The following FGF12 variants were observed in gnomAD, a reference collection of about 807,000 sequenced individuals.
The protein encoded by FGF12 is fibroblast growth factor 12B.
Under a neutral mutation model 23.6 loss-of-function variants are expected in FGF12, and 14 were observed. That is an observed-to-expected ratio of 0.59 (90% CI 0.39 to 0.93). The LOEUF (loss-of-function observed/expected upper bound fraction) is 0.93, where lower values mean the gene tolerates loss of function less well. Ranked by LOEUF, FGF12 falls within the 40% of genes least tolerant of loss-of-function variation. The pLI, the probability that FGF12 is intolerant of heterozygous loss-of-function variation, is 0.00. For missense variants in FGF12, 175 were observed against 217.8 expected, an observed-to-expected ratio of 0.80 and a Z score of 1.24; for synonymous variants, 62 against 77.3, an observed-to-expected ratio of 0.80 and a Z score of 1.04.
rs148098792 is a variant in FGF12, at chr3:192,376,740, A to G, written c.14-16202T>C. On this transcript the variant is annotated intron_variant, in intron 2 of 5. Coordinates refer to ENST00000445105, the MANE Select transcript of FGF12 (RefSeq NM_004113.6). ...CTGTCTTGTGATTTCTGCTTCATTT[A>G]ATTAATAAACTTTTAAAACATTATT... Among the ~76,000 whole-genome samples the G allele has an allele frequency of 2.1e-4, 32 of 152,258 alleles. No individual in the cohort carries two copies. The East Asian group carries it at 5.2e-3, about 25-fold the overall frequency.
At chr3:192,608,016 C>T (rs1232102709) in intron 2 of FGF12, among the ~76,000 whole-genome samples, 1 of 152,044 alleles carries the variant, frequency 6.6e-6, no homozygotes, top group Non-Finnish European at 1.5e-5. Flanking sequence ...ATCATTGAGG[C>T]CATTGTTAAG....
At chr3:192,490,384 T>C (rs1275990678) in intron 2 of FGF12, among the ~76,000 whole-genome samples, 1 of 152,108 alleles carries the variant, frequency 6.6e-6, no homozygotes, top group African/African-American at 2.4e-5. Flanking sequence ...CTACCCCTAG[T>C]AATGTTTCAA....
At chr3:192,183,200 T>C (rs1194405573) in intron 4 of FGF12, among the ~76,000 whole-genome samples, 1 of 152,002 alleles carries the variant, frequency 6.6e-6, no homozygotes, top group African/African-American at 2.4e-5. Flanking sequence ...TTTTTTTTTT[T>C]TAGAAAAGCA....
At chr3:192,483,670 T>C (rs976517519) in intron 2 of FGF12, among the ~76,000 whole-genome samples, 5 of 152,110 alleles carry the variant, frequency 3.3e-5, no homozygotes, top group African/African-American at 1.2e-4. Flanking sequence ...CCAGCATGAA[T>C]TGCCAAGTAG....
chr3:192,170,712 G>T, intron 4 of FGF12, 56 bp from the exon 5 acceptor site: 1 of 1,434,800 alleles, frequency 7.0e-7, no homozygotes, highest in Non-Finnish European at 9.5e-7. Context: ...AGGTGAATCA[G>T]CAAATGCTTA....
intron 2 of FGF12, among the ~76,000 whole-genome samples, chr3:192,431,643 G>T (rs1017189453): frequency 6.6e-6 from 1 of 152,182 alleles, no homozygotes; most frequent in African/African-American, 2.4e-5. Context: ...GGAAGGTCAA[G>T]TTGCCCAACT....
chr3:192,155,816 A>G (rs1295416192), intron 5 of FGF12, among the ~76,000 whole-genome samples: 1 of 152,224 alleles, frequency 6.6e-6, no homozygotes, highest in Admixed American at 6.5e-5. Context: ...CAATAGCTAC[A>G]TGAATTCTAC....
intron 2 of FGF12, among the ~76,000 whole-genome samples, chr3:192,606,042 T>C (rs1199170246): frequency 6.6e-6 from 1 of 152,174 alleles, no homozygotes; most frequent in East Asian, 1.9e-4. Flanking sequence ...AGGAAATAAA[T>C]TATTCTACCA....
At chr3:192,455,669 CTGAA>C (rs2108804080) in intron 2 of FGF12, among the ~76,000 whole-genome samples, 1 of 152,266 alleles carries the variant, frequency 6.6e-6, no homozygotes, top group East Asian at 1.9e-4. Flanking sequence ...TTATCAATAA[CTGAA>C]TAATATTCCA....
rs577630291 is a variant in FGF12, at chr3:192,328,747, C to G, written c.228+6614G>C. Among the ~76,000 whole-genome samples the G allele has an allele frequency of 2.6e-5, 4 of 152,210 alleles. No individual in the cohort carries two copies. In the East Asian group the frequency reaches 7.7e-4, roughly 29 times the overall value. On this transcript the variant is annotated intron_variant, in intron 4 of 5. Coordinates refer to ENST00000445105, the MANE Select transcript of FGF12 (RefSeq NM_004113.6). ...CTATGCCCTCTAACTTAGTAGTTGGCCTAAACTCCTTATGACAGCTAACTA... is the reference window on the plus strand; with the variant it reads ...CTATGCCCTCTAACTTAGTAGTTGGGCTAAACTCCTTATGACAGCTAACTA...
At chr3:192,376,751 T>G (rs1271943019) in intron 2 of FGF12, among the ~76,000 whole-genome samples, 1 of 152,246 alleles carries the variant, frequency 6.6e-6, no homozygotes, top group Non-Finnish European at 1.5e-5. Context: ...ATTAATAAAC[T>G]TTTAAAACAT....
intron 2 of FGF12, among the ~76,000 whole-genome samples, chr3:192,372,315 G>A (rs1483851330): frequency 6.6e-6 from 1 of 151,988 alleles, no homozygotes; most frequent in African/African-American, 2.4e-5. Context: ...CCCTCATGCA[G>A]CCCAAATGTA....
rs910830649 is a variant in FGF12 at position 192,235,543 on chromosome 3, C to T, written c.229-64887G>A. 5.9e-5 allele frequency among the ~76,000 whole-genome samples: 9 copies of T among 152,078 alleles called. No homozygotes were observed. In the South Asian group the frequency reaches 6.2e-4, roughly 11 times the overall value. ...TTCACCATGTTGGCCAGGATGGTCT[C>T]GATCTCTTGACCTTGTGATCTGCTT... is the stretch of plus-strand genomic sequence containing the variant. On this transcript the variant is annotated intron_variant, in intron 4 of 5. Transcript: ENST00000445105.
At position 192,369,341 on chromosome 3, in the gene FGF12, A is replaced by T. The variant is rs80097969; in HGVS notation, c.14-8803T>A. Reference sequence around the variant, plus strand: ...TGCGTTTCTTCCAATTTTGTCCTGCACACTGAACACAGTCTGACAAGCACA... The same window carrying T: ...TGCGTTTCTTCCAATTTTGTCCTGCTCACTGAACACAGTCTGACAAGCACA... On this transcript the variant is annotated intron_variant, in intron 2 of 5. Transcript: ENST00000445105. Among the ~76,000 whole-genome samples the T allele has an allele frequency of 2.1e-3, 325 of 152,324 alleles. 13 individuals carry two copies. In the East Asian group the frequency reaches 0.046, roughly 22 times the overall value.
chr3:192,718,275 A>G (rs548626464), intron 2 of FGF12, among the ~76,000 whole-genome samples: 27 of 149,886 alleles, frequency 1.8e-4, no homozygotes, highest in African/African-American at 6.4e-4. Context: ...AAATAAACTC[A>G]TCTTAATTGT....
Position 192,637,893 on chromosome 3 carries a change from C to T in FGF12, c.13+89288G>A, listed in dbSNP as rs1715643215. ...AATTTGAAAATCAAGTATAATCGTC[C>T]AATTTAGCAAGAAACCTGAAATGCA... On this transcript the variant is annotated intron_variant, in intron 2 of 5. Coordinates refer to ENST00000445105, the MANE Select transcript of FGF12 (RefSeq NM_004113.6). Among the ~76,000 whole-genome samples the T allele has an allele frequency of 2.0e-5, 3 of 152,080 alleles. No individual in the cohort carries two copies. The South Asian group carries it at 6.2e-4, about 32-fold the overall frequency.
At position 192,485,459 on chromosome 3, in the gene FGF12, C is replaced by G. The variant is rs73070276; in HGVS notation, c.14-124921G>C. On this transcript the variant is annotated intron_variant, in intron 2 of 5. Transcript: ENST00000445105. ...GCAGGCATACGTCTTTCAGAAATCC[C>G]AGCTCTAGGAATACCATTGTTAGAA... is the stretch of plus-strand genomic sequence containing the variant. 7.6e-3 allele frequency among the ~76,000 whole-genome samples: 1,162 copies of G among 152,230 alleles called. 10 individuals are homozygous for G. Among genetic ancestry groups the G allele is most frequent in the African/African-American group, 0.025 (1,021 of 41,544 alleles).
intron 3 of FGF12, among the ~76,000 whole-genome samples, chr3:192,358,472 T>C (rs1373556851): frequency 1.2e-5 from 1 of 82,986 alleles, no homozygotes; most frequent in African/African-American, 1.2e-4. Context: ...GTGTGCCCTA[T>C]GGTGTGTGTG....
intron 4 of FGF12, among the ~76,000 whole-genome samples, chr3:192,333,194 T>C (rs1164200463): frequency 6.6e-6 from 1 of 152,122 alleles, no homozygotes; most frequent in Non-Finnish European, 1.5e-5. Flanking sequence ...AATTGTCTCC[T>C]GCTTACAATA....
Sources: allele counts gnomAD v4.1 joint callset (sites outside exome capture counted in the v4.1 genomes callset), GRCh38; gene constraint gnomAD v4.1.1; transcripts MANE v1.5; gene names NCBI Gene and HGNC (gene_info 2026-07-23, HGNC 2026-07-21).